CYP4Z1: variants seen among roughly 807,000 people sequenced by gnomAD.
CYP4Z1 encodes cytochrome P450 4Z1.
A neutral mutation model predicts 54.2 loss-of-function variants in CYP4Z1; 41 were observed. That is an observed-to-expected ratio of 0.76 (90% CI 0.59 to 0.98). The LOEUF (loss-of-function observed/expected upper bound fraction) is 0.98. Among genes scored for constraint, CYP4Z1 ranks in the 50% least tolerant of loss-of-function variants. CYP4Z1 has a pLI of 0.00. For synonymous variants in CYP4Z1, 163 were observed against 206.2 expected (o/e 0.79, Z 1.79); for missense variants, 513 against 599.0 (o/e 0.86, Z 1.50).
At chr1:47,064,723 GC>G (rs1644440971), upstream of CYP4Z1, among the ~76,000 whole-genome samples, 1 of 152,122 alleles carries the variant, frequency 6.6e-6, no homozygotes, top group African/African-American at 2.4e-5. Context: ...AGTGTAAATG[GC>G]CCAAATGCTC....
At chr1:47,057,335 A>AAAAAAAAAAAAAAAAAAAAAAATAT in the CYP4Z1 span, among the ~76,000 whole-genome samples, 1 of 28,490 alleles carries the variant, frequency 3.5e-5, no homozygotes, top group Non-Finnish European at 8.4e-5. Flanking sequence ...AAGAAAAAAA[A>AAAAAAAAAAAAAAAAAAAAAAATAT]ATATATATAT....
chr1:47,063,454 A>G (rs570985737), upstream of CYP4Z1, among the ~76,000 whole-genome samples: 1 of 152,276 alleles, frequency 6.6e-6, no homozygotes, highest in African/African-American at 2.4e-5. Flanking sequence ...AGGAGGCACC[A>G]GAGAAAGGTG....
intron 10 of CYP4Z1, among the ~76,000 whole-genome samples, chr1:47,116,353 T>A (rs993747601): frequency 2.6e-5 from 4 of 152,202 alleles, no homozygotes; most frequent in Admixed American, 1.3e-4. Flanking sequence ...GGGAAAATAA[T>A]GAAGTCACTA....
the CYP4Z1 span, among the ~76,000 whole-genome samples, chr1:47,061,815 A>T: frequency 6.6e-6 from 1 of 152,330 alleles, no homozygotes. Flanking sequence ...TCAGCAGCAC[A>T]TCAAAAATCT....
intron 9 of CYP4Z1, 29 bp from the exon 10 acceptor site, chr1:47,115,500 C>G: frequency 6.2e-7 from 1 of 1,601,070 alleles, no homozygotes; most frequent in South Asian, 1.1e-5. Flanking sequence ...CGCTCATGCA[C>G]TTACCTGCTT....
At chr1:47,099,353 A>T in intron 8 of CYP4Z1, 69 bp downstream of exon 8, 1 of 1,409,030 alleles carries the variant, frequency 7.1e-7, no homozygotes, top group East Asian at 2.5e-5. Context: ...CTCTTCCGGT[A>T]TCAGTAAGTT....
intron 7 of CYP4Z1, among the ~76,000 whole-genome samples, chr1:47,098,822 T>A (rs1644699016): frequency 6.6e-6 from 1 of 152,200 alleles, no homozygotes; most frequent in Non-Finnish European, 1.5e-5. Flanking sequence ...TAGAGTTTAT[T>A]CCCTTAAGTA....
At chr1:47,069,378 A>G (rs1264241710) in intron 2 of CYP4Z1, among the ~76,000 whole-genome samples, 1 of 152,228 alleles carries the variant, frequency 6.6e-6, no homozygotes, top group Non-Finnish European at 1.5e-5. Context: ...AGCTACCTAC[A>G]TGAGTCATTC....
intron 10 of CYP4Z1, among the ~76,000 whole-genome samples, 175 bp downstream of exon 10, chr1:47,115,768 C>G (rs1644825818): frequency 6.6e-6 from 1 of 152,182 alleles, no homozygotes; most frequent in African/African-American, 2.4e-5. Flanking sequence ...ATAATCATCA[C>G]CAGAGTTCCA....
intron 2 of CYP4Z1, among the ~76,000 whole-genome samples, chr1:47,079,630 C>G (rs1474504350): frequency 1.3e-5 from 2 of 152,228 alleles, no homozygotes; most frequent in Non-Finnish European, 2.9e-5. Flanking sequence ...CCAGAATTAT[C>G]TTCCAACAAG....
At chr1:47,065,631 A>C (rs867752897), upstream of CYP4Z1, among the ~76,000 whole-genome samples, 1 of 152,154 alleles carries the variant, frequency 6.6e-6, no homozygotes, top group South Asian at 2.1e-4. Context: ...GAACTGGAGA[A>C]AGAACAATCA....
intron 9 of CYP4Z1, among the ~76,000 whole-genome samples, chr1:47,112,262 GA>G (rs748477149): frequency 7.9e-5 from 12 of 151,942 alleles, no homozygotes; most frequent in Non-Finnish European, 1.6e-4. Flanking sequence ...GAAAAACCAG[GA>G]AAAAAACTAG....
At chr1:47,083,048 C>A (rs1283586581) in intron 4 of CYP4Z1, among the ~76,000 whole-genome samples, 1 of 152,146 alleles carries the variant, frequency 6.6e-6, no homozygotes, top group Non-Finnish European at 1.5e-5. Flanking sequence ...CAAAGACATG[C>A]GAGGTGGTTT....
At chr1:47,093,514 G>C (rs1364518535) in intron 6 of CYP4Z1, among the ~76,000 whole-genome samples, 3 of 152,188 alleles carry the variant, frequency 2.0e-5, no homozygotes, top group African/African-American at 4.8e-5. Flanking sequence ...CTTTAATGGA[G>C]GCAATGTGCC....
At chr1:47,105,278 A>C in intron 8 of CYP4Z1, among the ~76,000 whole-genome samples, 1 of 152,128 alleles carries the variant, frequency 6.6e-6, no homozygotes, top group Non-Finnish European at 1.5e-5. Flanking sequence ...CCCCAAGGCA[A>C]GACACAGTCT....
At chr1:47,117,094 ATGT>A (rs1252797920) in intron 11 of CYP4Z1, among the ~76,000 whole-genome samples, 1 of 152,170 alleles carries the variant, frequency 6.6e-6, no homozygotes, top group Non-Finnish European at 1.5e-5. Context: ...ACAGAGAGCA[ATGT>A]TGTTCTAAAG....
At chr1:47,067,125 T>C (rs1187544034), upstream of CYP4Z1, among the ~76,000 whole-genome samples, 1 of 151,998 alleles carries the variant, frequency 6.6e-6, no homozygotes, top group Non-Finnish European at 1.5e-5. Flanking sequence ...GAACAGAGAA[T>C]GAGAGTGGGG....
intron 6 of CYP4Z1, among the ~76,000 whole-genome samples, chr1:47,094,120 T>C (rs1644659025): frequency 6.6e-6 from 1 of 152,324 alleles, no homozygotes; most frequent in East Asian, 1.9e-4. Context: ...TCAGTATTCC[T>C]CTGCCACTCA....
intron 2 of CYP4Z1, among the ~76,000 whole-genome samples, chr1:47,079,692 T>G (rs1226628816): frequency 2.0e-5 from 3 of 152,258 alleles, no homozygotes; most frequent in Non-Finnish European, 4.4e-5. Flanking sequence ...TCCCAACTTT[T>G]GGTAGGGAAA....
Sources: gnomAD v4.1 joint callset for allele counts (sites outside exome capture counted in the v4.1 genomes callset) on GRCh38, gnomAD v4.1.1 for gene constraint, MANE v1.5 for transcripts, NCBI Gene and HGNC (gene_info 2026-07-23, HGNC 2026-07-21) for gene names.